The following GYS1 variants were observed in gnomAD, a reference collection of about 807,000 sequenced individuals.
The protein encoded by GYS1 is glycogen synthase 1, also known as glycogen [starch] synthase, muscle.
Under a neutral mutation model 89.1 loss-of-function variants are expected in GYS1, and 60 were observed. That is an observed-to-expected ratio of 0.67 (90% CI 0.55 to 0.84). GYS1 has a LOEUF of 0.84. Among genes scored for constraint, GYS1 ranks in the 40% least tolerant of loss-of-function variants. The probability of loss-of-function intolerance (pLI) is 0.00; values close to 1 mark genes in which losing one functional copy is unlikely to be tolerated. For missense variants in GYS1, 888 were observed against 1,003.1 expected, an observed-to-expected ratio of 0.89 and a Z score of 1.55; for synonymous variants, 366 against 401.7, an observed-to-expected ratio of 0.91 and a Z score of 1.06.
chr19:48,974,167 T>C (rs1423302601), intron 12 of GYS1, 46 bp downstream of exon 12: 1 of 1,556,412 alleles, frequency 6.4e-7, no homozygotes, highest in Non-Finnish European at 8.7e-7. Flanking sequence ...ATGCTAGCTC[T>C]GACTAGGATG....
intron 7 of GYS1, among the ~76,000 whole-genome samples, 194 bp from the exon 8 acceptor site, chr19:48,981,830 G>A (rs2038768638): frequency 6.6e-6 from 1 of 152,004 alleles, no homozygotes; most frequent in Non-Finnish European, 1.5e-5. Context: ...CCATACTCAG[G>A]GGCTTTCCTA....
At chr19:48,971,236 C>T (rs2038561142) in intron 12 of GYS1, among the ~76,000 whole-genome samples, 1 of 152,210 alleles carries the variant, frequency 6.6e-6, no homozygotes. Context: ...CTTGCTCTTG[C>T]TCCAAGATGC....
chr19:48,974,083 C>A, intron 12 of GYS1, 130 bp downstream of exon 12: 2 of 963,474 alleles, frequency 2.1e-6, no homozygotes, highest in Admixed American at 2.0e-5. Context: ...TGTAGCAGAA[C>A]AGGTGATTAC....
At chr19:48,979,363 T>C (rs200071697) in intron 8 of GYS1, among the ~76,000 whole-genome samples, 4,611 of 58,138 alleles carry the variant, frequency 0.079, 417 homozygotes, top group East Asian at 0.22. Flanking sequence ...TTTTTTTTTT[T>C]TTTTTTTTTT....
chr19:48,980,224 TCACCTTTCCTCGTCTCTGCCCAATAA>T (rs1440150431), intron 8 of GYS1, among the ~76,000 whole-genome samples: 1 of 152,184 alleles, frequency 6.6e-6, no homozygotes, highest in East Asian at 1.9e-4. Flanking sequence ...TGCTCCCTCG[TCACCTTTCCTCGTCTCTGCCCAATAA>T]CACTTTCTCA....
Position 48,991,145 on chromosome 19 carries a change from T to G in GYS1, c.300+157A>C, listed in dbSNP as rs1187804125. 3.9e-5 allele frequency among the ~76,000 whole-genome samples: 6 copies of G among 152,186 alleles called. No homozygotes were observed. The highest frequency in any genetic ancestry group is 1.4e-4 in the African/African-American group (6 of 41,456). ...GATCCACCCACCCACTTCCAGGCCCTGCATCTGTCTGGGTGTCCTATCACG... is the reference window on the plus strand; with the variant it reads ...GATCCACCCACCCACTTCCAGGCCCGGCATCTGTCTGGGTGTCCTATCACG... On this transcript the variant is annotated intron_variant, in intron 2 of 15. Coordinates refer to ENST00000323798, the MANE Select transcript of GYS1 (RefSeq NM_002103.5). This position sits in a 1 kb window ranked among gnomAD's most constrained non-coding sequence, Gnocchi z 4.7.
At chr19:48,992,259 C>T (rs2038946497) in intron 1 of GYS1, among the ~76,000 whole-genome samples, 1 of 152,170 alleles carries the variant, frequency 6.6e-6, no homozygotes, top group African/African-American at 2.4e-5. Flanking sequence ...TGGCTTGTTC[C>T]TGGGGATTTC....
Position 48,991,167 on chromosome 19 carries a change from C to T in GYS1, c.300+135G>A. On this transcript the variant is annotated intron_variant, in intron 2 of 15. Coordinates refer to ENST00000323798, the MANE Select transcript of GYS1 (RefSeq NM_002103.5). This position sits in a 1 kb window ranked among gnomAD's most constrained non-coding sequence, Gnocchi z 4.7. ...CCCTGCATCTGTCTGGGTGTCCTATCACGCCTCCTTCCTGTGTCCAAGCCT... is the reference window on the plus strand; with the variant it reads ...CCCTGCATCTGTCTGGGTGTCCTATTACGCCTCCTTCCTGTGTCCAAGCCT... 1.1e-6 allele frequency: 1 copy of T among 923,074 alleles called. No homozygotes were observed. Among genetic ancestry groups the T allele is most frequent in the Non-Finnish European group, 1.7e-6 (1 of 580,050 alleles). 57.2% of individuals were successfully genotyped at this position (923,074 alleles called of 1,614,324 possible).
intron 1 of GYS1, among the ~76,000 whole-genome samples, chr19:48,992,097 AG>A (rs2038942032): frequency 3.9e-5 from 6 of 151,976 alleles, no homozygotes; most frequent in Admixed American, 3.9e-4. Context: ...CAGGAGCCCC[AG>A]CCCCCAGCCT....
chr19:48,984,821 C>T (rs2038816840), intron 5 of GYS1, among the ~76,000 whole-genome samples: 1 of 151,944 alleles, frequency 6.6e-6, no homozygotes, highest in Non-Finnish European at 1.5e-5. Flanking sequence ...GCGGAGCTTA[C>T]AGTGAGCCAA....
chr19:48,974,824 G>T, intron 10 of GYS1, 91 bp from the exon 11 acceptor site: 1 of 874,024 alleles, frequency 1.1e-6, no homozygotes, highest in Non-Finnish European at 1.9e-6. Context: ...GGGGAGCCAA[G>T]GAGACCACAA....
intron 10 of GYS1, among the ~76,000 whole-genome samples, chr19:48,976,948 C>T (rs1314478678): frequency 1.3e-5 from 2 of 151,854 alleles, no homozygotes; most frequent in African/African-American, 4.8e-5. Context: ...GCCACTATGC[C>T]CAGCTCATTT....
Position 48,991,438 on chromosome 19 carries a change from CCT to C in GYS1, c.162_163del (p.Asp56ArgfsTer108), listed in dbSNP as rs587777375. The C allele has an allele frequency of 4.7e-5, 76 of 1,613,994 alleles. No homozygotes were observed. The highest frequency in any genetic ancestry group is 1.3e-4 in the African/African-American group (10 of 74,952). ...GAAGTAGTTGTCGCCCCATTCGTCCCCTGTCACCTTCGCCTTCGTCTGCAGCA... is the reference window on the plus strand; with the variant it reads ...GAAGTAGTTGTCGCCCCATTCGTCCCGTCACCTTCGCCTTCGTCTGCAGCA... On this transcript the variant is annotated frameshift_variant, in exon 2 of 16. Coordinates refer to ENST00000323798, the MANE Select transcript of GYS1 (RefSeq NM_002103.5). LOFTEE classifies it high-confidence loss of function. This position sits in a 1 kb window ranked among gnomAD's most constrained non-coding sequence, Gnocchi z 4.7.
chr19:48,973,570 A>G (rs1229322659), intron 12 of GYS1, among the ~76,000 whole-genome samples: 1 of 139,302 alleles, frequency 7.2e-6, no homozygotes, highest in Non-Finnish European at 1.5e-5. Flanking sequence ...GCACTGCCGG[A>G]GTGCAGTGGC....
intron 5 of GYS1, 142 bp from the exon 6 acceptor site, chr19:48,982,979 C>T (rs2038790141): frequency 2.8e-6 from 2 of 705,522 alleles, no homozygotes; most frequent in Admixed American, 4.3e-5. Flanking sequence ...CCCCTCCCAC[C>T]TTTTTTGTTT....
Position 48,974,355 on chromosome 19 carries a change from A to G in GYS1, c.1423-16T>C. On this transcript the variant is annotated splice_polypyrimidine_tract_variant and intron_variant, in intron 11 of 15. Transcript: ENST00000323798. ...GGAAAATCACCTGGTAGTGAAAAAG[A>G]AGGACTCAGCCCAAGTGCCTTATTT... 1.2e-6 allele frequency: 2 copies of G among 1,613,804 alleles called. No homozygotes were observed. Among genetic ancestry groups the G allele is most frequent in the Non-Finnish European group, 1.7e-6 (2 of 1,179,894 alleles).
chr19:48,992,568 T>C (rs2038953562), intron 1 of GYS1, among the ~76,000 whole-genome samples: 2 of 151,864 alleles, frequency 1.3e-5, no homozygotes. Context: ...AGGCCTCCTA[T>C]CTCCCAGTCA....
At chr19:48,977,899 C>A (rs1485010369) in intron 10 of GYS1, 25 bp downstream of exon 10, 1 of 1,586,378 alleles carries the variant, frequency 6.3e-7, no homozygotes. Flanking sequence ...ACTGCTATCT[C>A]TCTGCACAGA....
chr19:48,969,598 C>A lies in GYS1; in HGVS notation c.1904G>T (p.Arg635Leu), dbSNP rs200113836. 4 of 1,538,566 alleles carry A rather than the reference C, an allele frequency of 2.6e-6. No individual in the cohort carries two copies. Among genetic ancestry groups the A allele is most frequent in the African/African-American group, 1.4e-5 (1 of 72,970 alleles). The part of the protein sequence containing the change: ...PNEADAAQGY[R>L]YPRPASVPPS... ...TGGCACCGAGGCTGGCCGTGGGTAG[C>A]GGTACCCCTGGGCCTGCATACGGCG... Residue 635 changes from arginine to leucine, a missense_variant, in exon 16 of 16, where the codon CGC becomes CTC. Coordinates refer to ENST00000323798, the MANE Select transcript of GYS1 (RefSeq NM_002103.5).
Sources: allele counts gnomAD v4.1 joint callset (sites outside exome capture counted in the v4.1 genomes callset), GRCh38; gene constraint gnomAD v4.1.1; non-coding constraint Gnocchi (gnomAD v3.1); transcripts MANE v1.5; gene names NCBI Gene and HGNC (gene_info 2026-07-23, HGNC 2026-07-21).